SEC63: variants seen among roughly 807,000 people sequenced by gnomAD.
The protein encoded by SEC63 is translocation protein SEC63 homolog.
A neutral mutation model predicts 116.2 loss-of-function variants in SEC63; 56 were observed. That is an observed-to-expected ratio of 0.48 (90% CI 0.39 to 0.60). The LOEUF is 0.60. SEC63 is among the 20% of genes least tolerant of loss of function. The pLI is 0.00. For synonymous variants in SEC63, 273 were observed against 294.6 expected, an observed-to-expected ratio of 0.93 and a Z score of 0.75; for missense variants, 668 against 900.0, an observed-to-expected ratio of 0.74 and a Z score of 3.30.
rs150743894 is a variant in SEC63 at position 107,896,693 on chromosome 6, G to A, written c.1440+956C>T. Among the ~76,000 whole-genome samples, 238 of 152,186 alleles carry A rather than the reference G, an allele frequency of 1.6e-3. 1 individual carries two copies. In the Middle Eastern group the frequency reaches 0.02, roughly 13 times the overall value. On this transcript the variant is annotated intron_variant, in intron 14 of 20. Transcript: ENST00000369002. ...GGGTTTTCCTAAAGAAAATGAGAGA[G>A]ACGGGCTGAGTGCGGTAGCTCACGC...
intron 13 of SEC63, among the ~76,000 whole-genome samples, chr6:107,899,318 A>G (rs1408723425): frequency 6.6e-6 from 1 of 152,228 alleles, no homozygotes; most frequent in African/African-American, 2.4e-5. Flanking sequence ...TCTATCCAAG[A>G]TGCTATGGAG....
chr6:107,955,857 T>TG (rs1318436252), intron 1 of SEC63: 21 of 193,850 alleles, frequency 1.1e-4, no homozygotes, highest in African/African-American at 5.0e-4. Flanking sequence ...CACTCCATCC[T>TG]GGGCAACAGA....
intron 1 of SEC63, among the ~76,000 whole-genome samples, chr6:107,930,409 G>C (rs551349733): frequency 6.7e-6 from 1 of 148,496 alleles, no homozygotes; most frequent in African/African-American, 2.5e-5. Flanking sequence ...TCAGGAGTTC[G>C]AGACCAGCCT....
intron 1 of SEC63, among the ~76,000 whole-genome samples, chr6:107,954,333 A>T (rs1770659316): frequency 6.6e-6 from 1 of 151,934 alleles, no homozygotes; most frequent in South Asian, 2.1e-4. Flanking sequence ...ACACTGCGGA[A>T]GGCCGCAGGG....
chr6:107,953,945 C>T (rs1456476173), intron 1 of SEC63, among the ~76,000 whole-genome samples: 5 of 152,020 alleles, frequency 3.3e-5, no homozygotes, highest in African/African-American at 1.2e-4. Context: ...TCTGCCCGGC[C>T]ACCACCCCGT....
chr6:107,917,443 G>A (rs758959376), intron 4 of SEC63, among the ~76,000 whole-genome samples: 6 of 152,130 alleles, frequency 3.9e-5, no homozygotes, highest in African/African-American at 1.4e-4. Flanking sequence ...GTCTCGGCGG[G>A]CCTCTAAATG....
chr6:107,912,810 C>T (rs1323180506), intron 5 of SEC63, 36 bp from the exon 6 acceptor site: 2 of 1,469,984 alleles, frequency 1.4e-6, no homozygotes, highest in South Asian at 2.3e-5. Flanking sequence ...TGAAGAATCT[C>T]TACTTTCAGT....
At position 107,924,828 on chromosome 6, in the gene SEC63, T is replaced by C. The variant is rs1562331712; in HGVS notation, c.329A>G (p.Asn110Ser). Residue 110 changes from asparagine (N) to serine (S), a missense_variant, in exon 3 of 21, where the codon AAT (asparagine) becomes AGT (serine). Asn to Ser is a conservative substitution (Grantham distance 46). Coordinates refer to ENST00000369002, the MANE Select transcript of SEC63 (RefSeq NM_007214.5). ...YQEYNPYEVL[N>S]LDPGATVAEI... is the part of the protein sequence containing the mutation. ...AAAAATACTACTTACAGGATCCAAA[T>C]TTAATACTTCATAAGGATTGTATTC... The C allele has an allele frequency of 6.6e-7, 1 of 1,513,936 alleles. No individual in the cohort carries two copies. The highest frequency in any genetic ancestry group is 9.2e-7 in the Non-Finnish European group (1 of 1,088,762). The allele number at this position is 1,513,936 out of a possible 1,614,324, so 93.8% of individuals were successfully genotyped here. A position where few individuals can be genotyped will look rare whatever the true frequency, so the allele number is the denominator to read the frequency against.
At chr6:107,885,491 A>G (rs1786506450) in intron 16 of SEC63, among the ~76,000 whole-genome samples, 1 of 152,234 alleles carries the variant, frequency 6.6e-6, no homozygotes, top group Non-Finnish European at 1.5e-5. Flanking sequence ...ACTGCTGAGA[A>G]AAATTAGGGA....
At position 107,869,605 on chromosome 6, in the gene SEC63, AGAG is replaced by A. The variant is rs886253649; in HGVS notation, c.*2096_*2098del. On this transcript the variant is annotated 3_prime_UTR_variant, in exon 21 of 21. Transcript: ENST00000369002. Reference sequence around the variant, plus strand: ...TGTGGAGTTTAGCGACTTGCTGGAGAGAGAAGAACTATCAACTGAAGGCTCAGT... The same window carrying A: ...TGTGGAGTTTAGCGACTTGCTGGAGAAAGAACTATCAACTGAAGGCTCAGT... The A allele has an allele frequency of 2.6e-5, 4 of 152,156 alleles. No homozygotes were observed. Among genetic ancestry groups the A allele is most frequent in the Non-Finnish European group, 5.9e-5 (4 of 68,032 alleles). The allele number at this position is 152,156 out of a possible 1,614,324, so 9.4% of individuals were successfully genotyped here.
chr6:107,885,690 T>C (rs1786511540), intron 16 of SEC63, among the ~76,000 whole-genome samples: 1 of 152,150 alleles, frequency 6.6e-6, no homozygotes, highest in Admixed American at 6.5e-5. Flanking sequence ...TTAAAACAGT[T>C]AAGAAAATTT....
intron 1 of SEC63, among the ~76,000 whole-genome samples, chr6:107,953,558 C>T (rs1583783581): frequency 7.0e-6 from 1 of 143,484 alleles, no homozygotes; most frequent in African/African-American, 2.7e-5. Context: ...CCGCCCCGTC[C>T]GGGAGGGAGG....
intron 14 of SEC63, among the ~76,000 whole-genome samples, chr6:107,894,615 C>A (rs1786771064): frequency 6.6e-6 from 1 of 152,156 alleles, no homozygotes; most frequent in African/African-American, 2.4e-5. Flanking sequence ...ATTTAAGTCC[C>A]AGTAAGCATC....
rs1270416336 is a variant in SEC63, at chr6:107,912,733, G to C, written c.556C>G (p.Gln186Glu). The C allele has an allele frequency of 1.2e-6, 2 of 1,610,016 alleles. No homozygotes were observed. The highest frequency in any genetic ancestry group is 1.7e-5 in the Admixed American group (1 of 59,980). The change falls in exon 6 of 21, where the codon CAG becomes GAG. Residue 186 changes from glutamine to glutamate, a missense_variant. Coordinates refer to ENST00000369002, the MANE Select transcript of SEC63 (RefSeq NM_007214.5). ...GCACTCACCAGAATTGAGTTTTTCT[G>C]GTCAACTATCCAAGCTGGCAGGGCA... ...GIALPAWIVD[Q>E]KNSILVLLVY...
chr6:107,883,116 C>T lies in SEC63; in HGVS notation c.1705G>A (p.Val569Ile). The T allele has an allele frequency of 2.5e-6, 4 of 1,604,316 alleles. No individual in the cohort carries two copies. Among genetic ancestry groups the T allele is most frequent in the Non-Finnish European group, 3.4e-6 (4 of 1,174,832 alleles). ...EAAVKEDEEE[V>I]SDKGSDSEEE... is the part of the protein sequence containing the mutation. ...TCAGAATCACTGCCCTTATCTGAAA[C>T]TTCTTCTTCATCTTCCTTTACTGCA... Residue 569 changes from valine to isoleucine, a missense_variant, in exon 17 of 21, where the codon GTT becomes ATT. Coordinates refer to ENST00000369002, the MANE Select transcript of SEC63 (RefSeq NM_007214.5).
intron 18 of SEC63, chr6:107,876,927 A>G (rs989887669): frequency 6.9e-5 from 27 of 393,370 alleles, no homozygotes; most frequent in Non-Finnish European, 1.1e-4. Context: ...CATATTAAAA[A>G]CCCTGACTAA....
chr6:107,915,021 T>C (rs1158100364), intron 4 of SEC63, among the ~76,000 whole-genome samples: 1 of 152,186 alleles, frequency 6.6e-6, no homozygotes, highest in Non-Finnish European at 1.5e-5. Flanking sequence ...ATAAAATAAG[T>C]CAGCAACTTA....
At chr6:107,919,124 T>C (rs971954714) in intron 4 of SEC63, among the ~76,000 whole-genome samples, 1 of 152,148 alleles carries the variant, frequency 6.6e-6, no homozygotes, top group South Asian at 2.1e-4. Context: ...TTGGTCAGGC[T>C]GGTCTCAAAC....
At position 107,958,188 on chromosome 6, in the gene SEC63, C is replaced by T; in HGVS notation, c.-179G>A. On this transcript the variant is annotated 5_prime_UTR_variant, in exon 1 of 21. Transcript: ENST00000369002. ...CCGCCACCTCTGCCGCTGCCGCCGC[C>T]GTCGCCAGCTCTCGCGAGAGGAGAT... 2.2e-6 allele frequency: 2 copies of T among 900,666 alleles called. No homozygotes were observed. The highest frequency in any genetic ancestry group is 1.7e-6 in the Non-Finnish European group (1 of 587,870). 55.8% of individuals were successfully genotyped at this position (900,666 alleles called of 1,614,324 possible).
Sources: gnomAD v4.1 joint callset for allele counts (sites outside exome capture counted in the v4.1 genomes callset) on GRCh38, gnomAD v4.1.1 for gene constraint, MANE v1.5 for transcripts, NCBI Gene and HGNC (gene_info 2026-07-23, HGNC 2026-07-21) for gene names.